KCTD16: variants seen among roughly 807,000 people sequenced by gnomAD.
KCTD16 encodes potassium channel tetramerization domain containing 16.
In KCTD16, 13 loss-of-function variants were observed where a neutral mutation model predicts 33.2. The ratio of observed to expected loss-of-function variants is 0.39; its 90% CI spans 0.25 to 0.62. KCTD16 has a LOEUF of 0.62. Ranked by LOEUF, KCTD16 falls within the 20% of genes least tolerant of loss-of-function variation. The probability of loss-of-function intolerance (pLI) is 0.50; values close to 1 mark genes in which losing one functional copy is unlikely to be tolerated. For synonymous variants in KCTD16, 197 were observed against 195.3 expected, an observed-to-expected ratio of 1.01 and a Z score of -0.07; for missense variants, 441 against 525.1, an observed-to-expected ratio of 0.84 and a Z score of 1.57.
chr5:144,394,690 G>C (rs1561591591), intron 3 of KCTD16, among the ~76,000 whole-genome samples: 3 of 152,182 alleles, frequency 2.0e-5, no homozygotes, highest in Non-Finnish European at 4.4e-5. Flanking sequence ...GTCCTCACGA[G>C]ATCTGATGGT....
At chr5:144,386,233 G>C (rs76157088) in intron 3 of KCTD16, among the ~76,000 whole-genome samples, 1 of 152,184 alleles carries the variant, frequency 6.6e-6, no homozygotes, top group African/African-American at 2.4e-5. Context: ...TGTGAACTGA[G>C]TGTAGCTAGG....
At chr5:144,316,421 A>G (rs562275266) in intron 3 of KCTD16, among the ~76,000 whole-genome samples, 4 of 151,954 alleles carry the variant, frequency 2.6e-5, no homozygotes, top group South Asian at 2.1e-4. Flanking sequence ...CTTTCTTTCT[A>G]TGCCTCAGCG....
intron 2 of KCTD16, among the ~76,000 whole-genome samples, chr5:144,196,395 A>G (rs1752939779): frequency 6.6e-6 from 1 of 152,112 alleles, no homozygotes; most frequent in Non-Finnish European, 1.5e-5. Context: ...ATGACCTCGG[A>G]CCAAATGGCA....
chr5:144,464,780 CTCT>C lies in KCTD16; in HGVS notation c.833-8868_833-8866del, dbSNP rs60981179. 2.8e-3 allele frequency among the ~76,000 whole-genome samples: 408 copies of C among 144,916 alleles called. 3 individuals are homozygous for C. Among genetic ancestry groups the C allele is most frequent in the African/African-American group, 9.8e-3 (385 of 39,104 alleles). ...CTTCCTCTTCTTCTTCTTCTTCTTC[CTCT>C]TCTTCTTCTTCATAGCTGCGAATTG... On this transcript the variant is annotated intron_variant, in intron 3 of 3. Transcript: ENST00000512467.
At chr5:144,303,975 C>T (rs1751515984) in intron 3 of KCTD16, among the ~76,000 whole-genome samples, 1 of 152,152 alleles carries the variant, frequency 6.6e-6, no homozygotes, top group African/African-American at 2.4e-5. Flanking sequence ...ACAGAATATA[C>T]ATCTATGACA....
intron 3 of KCTD16, among the ~76,000 whole-genome samples, chr5:144,227,801 T>C (rs903020609): frequency 1.3e-5 from 2 of 152,030 alleles, no homozygotes; most frequent in African/African-American, 4.8e-5. Context: ...ATTTTGAAGG[T>C]AGAGGCATCA....
chr5:144,316,623 C>T (rs566498361), intron 3 of KCTD16, among the ~76,000 whole-genome samples: 30 of 151,282 alleles, frequency 2.0e-4, no homozygotes, highest in Admixed American at 1.7e-3. Context: ...AGTGATTCTC[C>T]GGCCTCAGCC....
chr5:144,199,110 C>A (rs1752993332), intron 2 of KCTD16, among the ~76,000 whole-genome samples: 1 of 152,140 alleles, frequency 6.6e-6, no homozygotes, highest in African/African-American at 2.4e-5. Context: ...TTTATTATTG[C>A]AAGTTCTGGA....
chr5:144,173,445 A>C (rs1752437268), intron 1 of KCTD16, among the ~76,000 whole-genome samples: 1 of 152,176 alleles, frequency 6.6e-6, no homozygotes, highest in African/African-American at 2.4e-5. Context: ...ACACATGGAC[A>C]CATAGAGGGG....
chr5:144,352,309 CAT>C (rs1286013191), intron 3 of KCTD16, among the ~76,000 whole-genome samples: 5 of 152,254 alleles, frequency 3.3e-5, no homozygotes, highest in African/African-American at 1.2e-4. Context: ...TAAGGGCAGA[CAT>C]ATGAAGAAAC....
intron 3 of KCTD16, among the ~76,000 whole-genome samples, chr5:144,409,535 A>G (rs1042877514): frequency 1.3e-5 from 2 of 151,978 alleles, no homozygotes; most frequent in African/African-American, 4.8e-5. Context: ...CAAGGCTCTT[A>G]TATTCTCAAG....
chr5:144,338,483 T>G (rs910225375), intron 3 of KCTD16, among the ~76,000 whole-genome samples: 8 of 152,186 alleles, frequency 5.3e-5, no homozygotes, highest in African/African-American at 1.9e-4. Flanking sequence ...ATATGGATCA[T>G]AGTAGACATT....
intron 3 of KCTD16, among the ~76,000 whole-genome samples, chr5:144,410,128 T>C (rs191095189): frequency 6.6e-6 from 1 of 152,092 alleles, no homozygotes; most frequent in East Asian, 1.9e-4. Flanking sequence ...GGATCAGAGG[T>C]TGCAAGGAGG....
chr5:144,310,798 A>T (rs550832203), intron 3 of KCTD16, among the ~76,000 whole-genome samples: 1 of 152,178 alleles, frequency 6.6e-6, no homozygotes, highest in South Asian at 2.1e-4. Context: ...GTGAGAAAGG[A>T]AAATTACCCA....
chr5:144,313,069 G>A (rs1448374923), intron 3 of KCTD16, among the ~76,000 whole-genome samples: 1 of 152,176 alleles, frequency 6.6e-6, no homozygotes, highest in East Asian at 1.9e-4. Context: ...TAAAAGCATA[G>A]CAGTATAGTT....
rs568240215 is a variant in KCTD16, at chr5:144,480,302, A to C, written c.*6188A>C. 2 of 150,244 alleles carry C rather than the reference A, an allele frequency of 1.3e-5. No individual in the cohort carries two copies. Among genetic ancestry groups the C allele is most frequent in the East Asian group, 4.1e-4 (2 of 4,926 alleles). The allele number at this position is 150,244 out of a possible 1,614,324, so 9.3% of individuals were successfully genotyped here. ...TAGTTCAGCACAATAGTTTGTCTCT[A>C]CTGTGGATGTCAGTCCTTGAGAATG... On this transcript the variant is annotated 3_prime_UTR_variant, in exon 4 of 4. Coordinates refer to ENST00000512467, the MANE Select transcript of KCTD16 (RefSeq NM_020768.4).
chr5:144,465,506 G>A (rs948284834), intron 3 of KCTD16, among the ~76,000 whole-genome samples: 14 of 151,946 alleles, frequency 9.2e-5, no homozygotes, highest in South Asian at 2.1e-4. Context: ...GAGGGCACTC[G>A]TGGCCTCTCA....
At chr5:144,354,784 A>G (rs906474050) in intron 3 of KCTD16, among the ~76,000 whole-genome samples, 8 of 152,218 alleles carry the variant, frequency 5.3e-5, no homozygotes, top group African/African-American at 1.9e-4. Flanking sequence ...AAGCAAAGTC[A>G]GTTGCTAAGT....
intron 3 of KCTD16, among the ~76,000 whole-genome samples, chr5:144,290,605 A>G (rs1283591199): frequency 2.0e-5 from 3 of 152,216 alleles, no homozygotes; most frequent in Non-Finnish European, 4.4e-5. Context: ...TTCTATATCA[A>G]TAAGATCTTT....
Sources: gnomAD v4.1 joint callset for allele counts (sites outside exome capture counted in the v4.1 genomes callset) on GRCh38, gnomAD v4.1.1 for gene constraint, MANE v1.5 for transcripts, NCBI Gene and HGNC (gene_info 2026-07-23, HGNC 2026-07-21) for gene names.